LINGO2: variants seen among roughly 807,000 people sequenced by gnomAD.
LINGO2 encodes the protein leucine rich repeat and Ig domain containing 2.
A neutral mutation model predicts 30.6 loss-of-function variants in LINGO2; 14 were observed. That is an observed-to-expected ratio of 0.46 (90% CI 0.30 to 0.72). The LOEUF (loss-of-function observed/expected upper bound fraction) is 0.72. LINGO2 is among the 30% of genes least tolerant of loss of function. LINGO2 has a pLI of 0.07. For missense variants in LINGO2, 729 were observed against 751.7 expected, an observed-to-expected ratio of 0.97 and a Z score of 0.35; for synonymous variants, 317 against 288.5, an observed-to-expected ratio of 1.10 and a Z score of -1.00.
intron 1 of LINGO2, among the ~76,000 whole-genome samples, chr9:28,613,393 T>C (rs866853040): frequency 6.6e-6 from 1 of 152,040 alleles, no homozygotes; most frequent in Non-Finnish European, 1.5e-5. Flanking sequence ...TGTGTGTGTG[T>C]GTGTATATAG....
intron 4 of LINGO2, among the ~76,000 whole-genome samples, chr9:28,257,055 T>C (rs1822404821): frequency 6.6e-6 from 1 of 151,778 alleles, no homozygotes; most frequent in Non-Finnish European, 1.5e-5. Flanking sequence ...GTATTAACTT[T>C]TATGTAATCA....
At chr9:29,187,080 CA>C in the LINGO2 span, among the ~76,000 whole-genome samples, 1 of 152,074 alleles carries the variant, frequency 6.6e-6, no homozygotes, top group Non-Finnish European at 1.5e-5. Flanking sequence ...ACAAAGCTAG[CA>C]AAATAGTAGA....
chr9:28,898,806 A>C, the LINGO2 span, among the ~76,000 whole-genome samples: 1 of 152,144 alleles, frequency 6.6e-6, no homozygotes, highest in East Asian at 1.9e-4. Flanking sequence ...AGAGCAGAAA[A>C]ATAACTATAG....
the LINGO2 span, among the ~76,000 whole-genome samples, chr9:28,709,335 A>C: frequency 2.0e-5 from 3 of 151,992 alleles, no homozygotes; most frequent in Non-Finnish European, 4.4e-5. Context: ...GACTTCTTTT[A>C]TGCAAAGTTG....
chr9:29,002,021 C>A, the LINGO2 span, among the ~76,000 whole-genome samples: 1 of 151,948 alleles, frequency 6.6e-6, no homozygotes, highest in African/African-American at 2.4e-5. Flanking sequence ...GGTATAACTT[C>A]TGTTTCTTAT....
chr9:28,402,973 T>C (rs10812807), intron 2 of LINGO2, among the ~76,000 whole-genome samples: 86,740 of 152,080 alleles, frequency 0.57, 24,785 homozygotes, highest in Middle Eastern at 0.61. Flanking sequence ...AGCAAGTTAC[T>C]AGGCTTTTCA....
intron 1 of LINGO2, among the ~76,000 whole-genome samples, chr9:28,593,815 A>G (rs1825043912): frequency 6.6e-6 from 1 of 152,034 alleles, no homozygotes; most frequent in South Asian, 2.1e-4. Context: ...ACATTGACAT[A>G]TTTAATTCCA....
At chr9:28,055,784 G>A (rs1211502236) in intron 4 of LINGO2, among the ~76,000 whole-genome samples, 4 of 152,100 alleles carry the variant, frequency 2.6e-5, no homozygotes, top group Non-Finnish European at 5.9e-5. Flanking sequence ...GCTATCTTTA[G>A]TTCTATTTGA....
At chr9:28,099,203 C>T (rs1254660085) in intron 4 of LINGO2, among the ~76,000 whole-genome samples, 7 of 152,022 alleles carry the variant, frequency 4.6e-5, no homozygotes, top group Admixed American at 4.6e-4. Flanking sequence ...TACCTAAAAG[C>T]CATAGCCCCT....
chr9:29,196,932 C>T, the LINGO2 span, among the ~76,000 whole-genome samples: 4 of 152,026 alleles, frequency 2.6e-5, no homozygotes, highest in African/African-American at 9.7e-5. Context: ...CACTCTTCTT[C>T]TCACTACCAA....
chr9:28,121,109 T>C (rs913778094), intron 4 of LINGO2, among the ~76,000 whole-genome samples: 1 of 152,100 alleles, frequency 6.6e-6, no homozygotes, highest in African/African-American at 2.4e-5. Context: ...CAATTATTCA[T>C]AGACTGTAAA....
At chr9:28,668,122 C>A (rs956084694) in intron 1 of LINGO2, among the ~76,000 whole-genome samples, 4 of 151,862 alleles carry the variant, frequency 2.6e-5, no homozygotes, top group South Asian at 4.1e-4. Flanking sequence ...TAAAACCCCA[C>A]CAAAGATTTT....
chr9:27,965,012 T>C (rs1820028398), intron 5 of LINGO2, among the ~76,000 whole-genome samples: 1 of 152,056 alleles, frequency 6.6e-6, no homozygotes, highest in Admixed American at 6.6e-5. Flanking sequence ...CTTTCTTTAC[T>C]CTCCCACAAG....
the LINGO2 span, among the ~76,000 whole-genome samples, chr9:28,721,050 C>G: frequency 6.6e-6 from 1 of 151,822 alleles, no homozygotes; most frequent in African/African-American, 2.4e-5. Flanking sequence ...TTTATGTGGC[C>G]AACAAACATA....
intron 5 of LINGO2, among the ~76,000 whole-genome samples, chr9:27,993,060 T>C (rs1821478488): frequency 6.6e-6 from 1 of 152,150 alleles, no homozygotes. Context: ...ATTAATCACT[T>C]GACGATGGTT....
At chr9:29,190,029 G>C in the LINGO2 span, among the ~76,000 whole-genome samples, 1 of 140,658 alleles carries the variant, frequency 7.1e-6, no homozygotes. Flanking sequence ...AGACCGTGGG[G>C]AGGGAGGGAG....
At chr9:28,922,144 A>T in the LINGO2 span, among the ~76,000 whole-genome samples, 8 of 152,152 alleles carry the variant, frequency 5.3e-5, no homozygotes. Context: ...TTCTCAAGTT[A>T]CCCAATGTGA....
At position 28,328,800 on chromosome 9, in the gene LINGO2, G is replaced by A. The variant is rs143042243; in HGVS notation, c.-245-33434C>T. 4.6e-3 allele frequency among the ~76,000 whole-genome samples: 700 copies of A among 152,222 alleles called. 7 individuals carry two copies. Among genetic ancestry groups the A allele is most frequent in the African/African-American group, 0.012 (501 of 41,532 alleles). ...TTCTTCCAGTTAACTATTTTAGTAA[G>A]CCAAGAATATCATCTCAATATCATA... On this transcript the variant is annotated intron_variant, in intron 3 of 5. Coordinates refer to ENST00000379992, the Ensembl canonical transcript of LINGO2.
chr9:28,295,015 C>G (rs1012781903), intron 4 of LINGO2, among the ~76,000 whole-genome samples, 193 bp downstream of exon 6: 2 of 152,138 alleles, frequency 1.3e-5, no homozygotes, highest in African/African-American at 4.8e-5. Context: ...GCTCCTTTCT[C>G]CTCTTGAGAG....
Sources: allele counts gnomAD v4.1 joint callset (sites outside exome capture counted in the v4.1 genomes callset), GRCh38; gene constraint gnomAD v4.1.1; transcripts MANE v1.5; gene names NCBI Gene and HGNC (gene_info 2026-07-23, HGNC 2026-07-21).